The following GOLGA4 variants were observed in gnomAD, a reference collection of about 807,000 sequenced individuals.
GOLGA4 encodes the protein golgin A4.
GOLGA4 carries 169 observed loss-of-function variants against 265.9 expected under a neutral mutation model. That is an observed-to-expected ratio of 0.64 (90% CI 0.56 to 0.72). The LOEUF (loss-of-function observed/expected upper bound fraction) is 0.72, where lower values mean the gene tolerates loss of function less well. Among genes scored for constraint, GOLGA4 ranks in the 30% least tolerant of loss-of-function variants. The pLI is 0.00. For synonymous variants in GOLGA4, 923 were observed against 855.8 expected (o/e 1.08, Z -1.37); for missense variants, 2,482 against 2,483.4 (o/e 1.00, Z 0.01).
chr3:37,364,783 G>T (rs1021117620), intron 23 of GOLGA4, among the ~76,000 whole-genome samples: 2 of 151,384 alleles, frequency 1.3e-5, no homozygotes, highest in African/African-American at 4.9e-5. Context: ...GTAGATACAG[G>T]GTCTTGCCAT....
intron 2 of GOLGA4, among the ~76,000 whole-genome samples, chr3:37,274,115 AAGAT>A (rs1412792988): frequency 4.6e-5 from 7 of 151,378 alleles, no homozygotes; most frequent in African/African-American, 1.5e-4. Context: ...AAAAAAAAAA[AAGAT>A]AATAATAATA....
At chr3:37,305,428 T>G (rs1306522954) in intron 10 of GOLGA4, among the ~76,000 whole-genome samples, 3 of 152,250 alleles carry the variant, frequency 2.0e-5, no homozygotes, top group Non-Finnish European at 4.4e-5. Context: ...GTATTTCATT[T>G]AATAGTCTTA....
At position 37,326,745 on chromosome 3, in the gene GOLGA4, A is replaced by C. The variant is rs781068450; in HGVS notation, c.4859A>C (p.Glu1620Ala). 5 of 1,613,706 alleles carry C rather than the reference A, an allele frequency of 3.1e-6. No individual in the cohort carries two copies. The highest frequency in any genetic ancestry group is 3.3e-5 in the Admixed American group (2 of 60,006). ...HVNLSVKSKEEELKALEDRLE... is the reference protein window; with the variant it reads ...HVNLSVKSKEAELKALEDRLE... ...AATTTAAGTGTGAAAAGCAAAGAGG[A>C]GGAGTTAAAGGCATTGGAAGATAGG... The change falls in exon 14 of 24, where the codon GAG becomes GCG. Residue 1620 changes from glutamate to alanine, a missense_variant. Around this residue, in one of 3 missense-constraint regions of GOLGA4, gnomAD observed 942 missense variants for 983.1 expected, o/e 0.96. Transcript: ENST00000361924.
chr3:37,268,641 G>A (rs966024199), intron 2 of GOLGA4, among the ~76,000 whole-genome samples: 2 of 151,406 alleles, frequency 1.3e-5, no homozygotes, highest in African/African-American at 4.9e-5. Flanking sequence ...GCACGATCTC[G>A]GCTCACTGCG....
At chr3:37,321,611 C>T (rs905543506) in intron 12 of GOLGA4, 120 bp from the exon 13 acceptor site, 6 of 831,192 alleles carry the variant, frequency 7.2e-6, no homozygotes, top group South Asian at 3.8e-5. Context: ...GAGATGATGA[C>T]GTTACCTATC....
intron 2 of GOLGA4, among the ~76,000 whole-genome samples, chr3:37,258,244 TAGCATATATAGAG>T (rs1329479844): frequency 6.8e-5 from 10 of 147,956 alleles, no homozygotes; most frequent in Non-Finnish European, 1.5e-4. Context: ...ATGAGATATA[TAGCATATATAGAG>T]AGCATATATA....
intron 1 of GOLGA4, 132 bp downstream of exon 1, chr3:37,243,754 G>A (rs1411778008): frequency 4.3e-6 from 3 of 693,022 alleles, no homozygotes; most frequent in Non-Finnish European, 7.3e-6. Flanking sequence ...CCCAAACTCC[G>A]GACCCAGAAG....
In GOLGA4 at chr3:37,275,631, G is replaced by A. The variant is rs974690785; in HGVS notation, c.163-6327G>A. On this transcript the variant is annotated intron_variant, in intron 2 of 23. Transcript: ENST00000361924. ...GGGGGTCGCTCCTGCTGTGTCTTCC[G>A]CTCCAGCTTCGCCCACTTCCCCTTG... 3.0e-4 allele frequency: 472 copies of A among 1,588,512 alleles called. 2 individuals are homozygous for A. Among genetic ancestry groups the A allele is most frequent in the South Asian group, 5.4e-4 (49 of 90,500 alleles).
At chr3:37,256,477 A>G (rs1407785808) in intron 2 of GOLGA4, among the ~76,000 whole-genome samples, 4 of 152,122 alleles carry the variant, frequency 2.6e-5, no homozygotes, top group African/African-American at 9.7e-5. Context: ...TCTCAAAAAA[A>G]AAAAGGGACA....
chr3:37,348,260 G>C (rs2097062407), intron 21 of GOLGA4, among the ~76,000 whole-genome samples: 1 of 152,146 alleles, frequency 6.6e-6, no homozygotes, highest in Non-Finnish European at 1.5e-5. Flanking sequence ...TGGAGATTCA[G>C]CTAAATACCA....
chr3:37,243,912 A>G (rs776643329), intron 1 of GOLGA4: 15 of 439,496 alleles, frequency 3.4e-5, no homozygotes, highest in Non-Finnish European at 6.1e-5. Context: ...CCAGAGTCCG[A>G]ACTTGCATGA....
intron 22 of GOLGA4, among the ~76,000 whole-genome samples, chr3:37,358,673 C>T (rs1422009794): frequency 6.6e-6 from 1 of 152,050 alleles, no homozygotes; most frequent in Non-Finnish European, 1.5e-5. Context: ...ATTTAGCCTC[C>T]TTTTAGCAAT....
intron 2 of GOLGA4, among the ~76,000 whole-genome samples, chr3:37,257,957 ATATGTATATATACATACATATATATATG>A (rs2096755416): frequency 1.2e-5 from 1 of 84,120 alleles, no homozygotes; most frequent in South Asian, 3.0e-4. Flanking sequence ...ATGTATGTAT[ATATGTATATATACATACATATATATATG>A]TATGTATATA....
intron 2 of GOLGA4, among the ~76,000 whole-genome samples, chr3:37,263,948 G>T (rs1416965650): frequency 6.6e-6 from 1 of 152,104 alleles, no homozygotes; most frequent in Non-Finnish European, 1.5e-5. Flanking sequence ...GAATATTAGA[G>T]AACTGTTGCT....
intron 16 of GOLGA4, among the ~76,000 whole-genome samples, chr3:37,334,221 G>C (rs1279213671): frequency 6.6e-6 from 1 of 152,204 alleles, no homozygotes; most frequent in Non-Finnish European, 1.5e-5. Flanking sequence ...CAAGACAAGA[G>C]AGGACAATTT....
chr3:37,243,649 T>A, intron 1 of GOLGA4, 27 bp downstream of exon 1: 1 of 1,589,038 alleles, frequency 6.3e-7, no homozygotes, highest in Non-Finnish European at 8.6e-7. Flanking sequence ...TCTCCTCCCC[T>A]GGTTCCGAAT....
chr3:37,312,294 C>T (rs985650894), intron 10 of GOLGA4, among the ~76,000 whole-genome samples: 8 of 152,200 alleles, frequency 5.3e-5, no homozygotes, highest in African/African-American at 1.9e-4. Flanking sequence ...GTTTCAGAAT[C>T]TTTCCCATAA....
At chr3:37,286,614 G>T (rs1285565225) in intron 4 of GOLGA4, among the ~76,000 whole-genome samples, 1 of 152,076 alleles carries the variant, frequency 6.6e-6, no homozygotes, top group Admixed American at 6.5e-5. Flanking sequence ...TACAGATCTC[G>T]GTAGTGTTTA....
intron 20 of GOLGA4, among the ~76,000 whole-genome samples, chr3:37,344,408 T>C (rs2097049304): frequency 1.3e-5 from 2 of 151,978 alleles, no homozygotes; most frequent in Non-Finnish European, 2.9e-5. Context: ...GGCCAGTTAG[T>C]CTGTATTTTT....
Sources: gnomAD v4.1 joint callset for allele counts (sites outside exome capture counted in the v4.1 genomes callset) on GRCh38, gnomAD v4.1.1 for gene constraint, gnomAD v4.1.1 regional missense constraint, MANE v1.5 for transcripts, NCBI Gene and HGNC (gene_info 2026-07-23, HGNC 2026-07-21) for gene names.